Variants in KIR2DL1 observed in about 807,000 individuals in gnomAD.
The protein encoded by KIR2DL1 is killer cell immunoglobulin like receptor, two Ig domains and long cytoplasmic tail 1, also known as killer cell immunoglobulin-like receptor 2DL1.
Under a neutral mutation model 33.9 loss-of-function variants are expected in KIR2DL1, and 38 were observed. The observed-to-expected ratio is 1.12, with a 90% CI of 0.86 to 1.47. The LOEUF (loss-of-function observed/expected upper bound fraction) is 1.47. Ranked by LOEUF, KIR2DL1 falls within the 40% of genes most tolerant of loss-of-function variation. The pLI is 0.00. For missense variants in KIR2DL1, 531 were observed against 433.9 expected (o/e 1.22, Z -1.99); for synonymous variants, 179 against 165.9 (o/e 1.08, Z -0.61).
chr19:54,772,701 G>C (rs1199697103), intron 2 of KIR2DL1, among the ~76,000 whole-genome samples: 2 of 142,820 alleles, frequency 1.4e-5, no homozygotes, highest in African/African-American at 2.6e-5. Flanking sequence ...GTGAGACTCT[G>C]TCGCCAAAAT....
At chr19:54,773,002 G>A (rs564356072) in intron 2 of KIR2DL1, among the ~76,000 whole-genome samples, 4 of 148,360 alleles carry the variant, frequency 2.7e-5, no homozygotes, top group African/African-American at 7.4e-5. Flanking sequence ...GCTGCTAAGA[G>A]CCTGGATGTG....
intron 2 of KIR2DL1, among the ~76,000 whole-genome samples, chr19:54,773,129 T>A (rs1417185534): frequency 6.8e-6 from 1 of 148,038 alleles, no homozygotes; most frequent in African/African-American, 2.5e-5. Flanking sequence ...AATCAGAGGC[T>A]ACTAGAGACA....
At chr19:54,777,417 G>A (rs1394941808) in intron 4 of KIR2DL1, among the ~76,000 whole-genome samples, 2 of 148,828 alleles carry the variant, frequency 1.3e-5, no homozygotes, top group African/African-American at 4.9e-5. Flanking sequence ...GGGGTGAGAT[G>A]AAAACTCACT....
At chr19:54,776,298 G>C (rs1274702224) in intron 4 of KIR2DL1, among the ~76,000 whole-genome samples, 1 of 146,978 alleles carries the variant, frequency 6.8e-6, no homozygotes, top group East Asian at 1.9e-4. Flanking sequence ...TCCTCCAGTA[G>C]CCACCATTCT....
At position 54,775,822 on chromosome 19, in the gene KIR2DL1, A is replaced by C. The variant is rs868494469; in HGVS notation, c.664+364A>C. 2.5e-4 allele frequency among the ~76,000 whole-genome samples: 38 copies of C among 149,148 alleles called. 5 individuals are homozygous for C. Among genetic ancestry groups the C allele is most frequent in the South Asian group, 1.7e-3 (8 of 4,754 alleles). ...CCCACACAGAGATGTCATCACCAGC[A>C]ACCCCTACACCCTTTACTTTTCTTT... is the stretch of plus-strand genomic sequence containing the variant. On this transcript the variant is annotated intron_variant, in intron 4 of 7. Coordinates refer to ENST00000336077, the MANE Select transcript of KIR2DL1 (RefSeq NM_014218.3).
chr19:54,775,866 G>C lies in KIR2DL1; in HGVS notation c.664+408G>C. On this transcript the variant is annotated intron_variant, in intron 4 of 7. Coordinates refer to ENST00000336077, the MANE Select transcript of KIR2DL1 (RefSeq NM_014218.3). ...TTTCTTTGAAGAAATATTTATTGAG[G>C]ATAAATATACCTATATAGCTTACCA... Among the ~76,000 whole-genome samples, 2 of 148,538 alleles carry C rather than the reference G, an allele frequency of 1.3e-5. 1 individual carries two copies. The highest frequency in any genetic ancestry group is 3.0e-5 in the Non-Finnish European group (2 of 66,232).
At chr19:54,772,274 C>A (rs1406653639) in intron 2 of KIR2DL1, among the ~76,000 whole-genome samples, 2 of 146,856 alleles carry the variant, frequency 1.4e-5, no homozygotes, top group Admixed American at 1.4e-4. Flanking sequence ...ATGGGAGTCT[C>A]CATCAGCTTT....
chr19:54,775,423 C>A lies in KIR2DL1; in HGVS notation c.629C>A (p.Ser210Ter). 6.3e-7 allele frequency: 1 copy of A among 1,584,698 alleles called. No individual in the cohort carries two copies. Residue 210 changes from serine (S) to a stop codon, truncating the protein, a stop_gained, in exon 4 of 8, where the codon TCA becomes TAA. Transcript: ENST00000336077. LOFTEE classifies it high-confidence loss of function. ...GSFHDSPYEW[S>*]KSSDPLLVSV... is the part of the protein sequence containing the mutation. ...TTCCATGACTCTCCATACGAGTGGT[C>A]AAAGTCAAGTGACCCACTGCTTGTT...
intron 4 of KIR2DL1, among the ~76,000 whole-genome samples, chr19:54,776,193 T>C (rs1457938758): frequency 1.4e-5 from 2 of 145,740 alleles, no homozygotes; most frequent in African/African-American, 5.0e-5. Context: ...CCCAGCCACA[T>C]TTACCATTTT....
chr19:54,776,571 G>A (rs62121646), intron 4 of KIR2DL1, among the ~76,000 whole-genome samples: 41,429 of 137,420 alleles, frequency 0.3, 5,321 homozygotes, highest in South Asian at 0.43. Context: ...ACTTCGATAT[G>A]TTGATTTACT....
At chr19:54,783,330 G>A (rs1395010550) in intron 6 of KIR2DL1, among the ~76,000 whole-genome samples, 156 bp from the exon 7 acceptor site, 7 of 151,932 alleles carry the variant, frequency 4.6e-5, no homozygotes, top group Non-Finnish European at 7.4e-5. Context: ...CATGGGATGG[G>A]TCCTTGAGCT....
At position 54,783,779 on chromosome 19, in the gene KIR2DL1, C is replaced by A; in HGVS notation, c.1013C>A (p.Ala338Asp). The A allele has an allele frequency of 6.2e-7, 1 of 1,614,014 alleles. No individual in the cohort carries two copies. Among genetic ancestry groups the A allele is most frequent in the South Asian group, 1.1e-5 (1 of 91,078 alleles). The change falls in exon 8 of 8, where the codon GCT (alanine) becomes GAT (aspartate). Residue 338 changes from alanine (A) to aspartate (D), a missense_variant. Coordinates refer to ENST00000336077, the MANE Select transcript of KIR2DL1 (RefSeq NM_014218.3). ...ATCGTGTACACGGAACTTCCAAATG[C>A]TGAGTCCAGATCCAAAGTTGTCTCC... ...DIIVYTELPN[A>D]ESRSKVVSCP
chr19:54,782,065 G>A (rs2077025154), intron 5 of KIR2DL1, among the ~76,000 whole-genome samples: 1 of 151,956 alleles, frequency 6.6e-6, no homozygotes, highest in Non-Finnish European at 1.5e-5. Context: ...ATATTTCAAT[G>A]TGACCCAGTC....
Position 54,773,502 on chromosome 19 carries a change from C to A in KIR2DL1, c.240C>A (p.Val80=). 1.3e-6 allele frequency: 2 copies of A among 1,585,384 alleles called. 1 individual carries two copies. Among genetic ancestry groups the A allele is most frequent in the Non-Finnish European group, 1.7e-6 (2 of 1,157,072 alleles). The change falls in exon 3 of 8, where the codon GTC becomes GTA. Residue 80 remains valine, a synonymous_variant. Coordinates refer to ENST00000336077, the MANE Select transcript of KIR2DL1 (RefSeq NM_014218.3). Reference sequence around the variant, plus strand: ...TCATTGGAGAACACCATGATGGGGTCTCCAAGGCCAACTTCTCCATCAGTC... The same window carrying A: ...TCATTGGAGAACACCATGATGGGGTATCCAAGGCCAACTTCTCCATCAGTC... ...LRLIGEHHDG[V]SKANFSISRM...
At chr19:54,776,263 T>C (rs2147508372) in intron 4 of KIR2DL1, among the ~76,000 whole-genome samples, 1 of 147,482 alleles carries the variant, frequency 6.8e-6, no homozygotes, top group African/African-American at 2.5e-5. Context: ...ATACATTTTT[T>C]TTACCCTCCA....
At chr19:54,774,280 C>A (rs1321149216) in intron 3 of KIR2DL1, among the ~76,000 whole-genome samples, 1 of 148,014 alleles carries the variant, frequency 6.8e-6, no homozygotes, top group African/African-American at 2.5e-5. Context: ...GACATAAACA[C>A]ACAGAGAATG....
intron 3 of KIR2DL1, among the ~76,000 whole-genome samples, chr19:54,774,422 A>G (rs2076095054): frequency 6.7e-6 from 1 of 148,410 alleles, no homozygotes; most frequent in Non-Finnish European, 1.5e-5. Flanking sequence ...AGGCACAAGG[A>G]CATTGAAAGA....
At position 54,775,342 on chromosome 19, in the gene KIR2DL1, C is replaced by T. The variant is rs746485880; in HGVS notation, c.548C>T (p.Ala183Val). 1.4e-5 allele frequency: 22 copies of T among 1,582,294 alleles called. 4 individuals are homozygous for T. Among genetic ancestry groups the T allele is most frequent in the South Asian group, 8.9e-5 (8 of 90,094 alleles). ...AGPKVNGTFQADFPLGPATHG... is the reference protein window; with the variant it reads ...AGPKVNGTFQVDFPLGPATHG... ...CCCAAGGTCAACGGAACATTCCAGG[C>T]TGACTTTCCTCTGGGCCCTGCCACC... Residue 183 changes from alanine to valine, a missense_variant, in exon 4 of 8, where the codon GCT becomes GTT. Transcript: ENST00000336077.
intron 3 of KIR2DL1, among the ~76,000 whole-genome samples, chr19:54,774,908 C>T (rs1480004436): frequency 6.7e-6 from 1 of 148,220 alleles, no homozygotes; most frequent in Non-Finnish European, 1.5e-5. Context: ...TCAAGTCAAC[C>T]AATCCAAGGA....
Sources: gnomAD v4.1 joint callset for allele counts (sites outside exome capture counted in the v4.1 genomes callset) on GRCh38, gnomAD v4.1.1 for gene constraint, MANE v1.5 for transcripts, NCBI Gene and HGNC (gene_info 2026-07-23, HGNC 2026-07-21) for gene names.